Variants in ANKRD55 observed in about 807,000 individuals in gnomAD.
The protein encoded by ANKRD55 is ankyrin repeat domain 55.
In ANKRD55, 41 loss-of-function variants were observed where a neutral mutation model predicts 60.6. The ratio of observed to expected loss-of-function variants is 0.68; its 90% CI spans 0.53 to 0.88. ANKRD55 has a LOEUF of 0.88. Ranked by LOEUF, ANKRD55 falls within the 40% of genes least tolerant of loss-of-function variation. The pLI is 0.00. For missense variants in ANKRD55, 732 were observed against 767.6 expected (o/e 0.95, Z 0.55); for synonymous variants, 264 against 290.3 (o/e 0.91, Z 0.92).
At chr5:56,159,925 A>G in intron 5 of ANKRD55, 32 bp from the exon 6 acceptor site, 1 of 1,597,974 alleles carries the variant, frequency 6.3e-7, no homozygotes, top group Non-Finnish European at 8.6e-7. Context: ...AATGGCTCAA[A>G]ATAACAGGCA....
chr5:56,199,741 A>G (rs1759318569), intron 2 of ANKRD55, among the ~76,000 whole-genome samples: 2 of 151,716 alleles, frequency 1.3e-5, no homozygotes, highest in African/African-American at 4.9e-5. Context: ...GTACAAAAAA[A>G]TTAGCTGGGC....
At chr5:56,105,419 A>G (rs1580933691) in intron 10 of ANKRD55, among the ~76,000 whole-genome samples, 1 of 152,192 alleles carries the variant, frequency 6.6e-6, no homozygotes, top group East Asian at 1.9e-4. Flanking sequence ...AGTCCTAAGA[A>G]AGAGCCATAT....
chr5:56,116,858 C>G, intron 8 of ANKRD55, 76 bp from the exon 9 acceptor site: 1 of 1,411,446 alleles, frequency 7.1e-7, no homozygotes, highest in Admixed American at 2.9e-5. Context: ...GCAACAGCTC[C>G]TGCTCAAAGT....
chr5:56,132,449 G>A (rs963066874), intron 7 of ANKRD55, among the ~76,000 whole-genome samples: 1 of 142,712 alleles, frequency 7.0e-6, no homozygotes, highest in African/African-American at 3.0e-5. Flanking sequence ...AAATTAGCTG[G>A]GTGTGGTGGC....
intron 2 of ANKRD55, among the ~76,000 whole-genome samples, chr5:56,191,038 C>A (rs192086012): frequency 6.6e-6 from 1 of 152,290 alleles, no homozygotes; most frequent in Admixed American, 6.5e-5. Context: ...GGGATTATTT[C>A]TGGACTTTCA....
chr5:56,173,541 CCTCTCTCTCTCT>C lies in ANKRD55; in HGVS notation c.312+2599_312+2610del, dbSNP rs71578616. On this transcript the variant is annotated intron_variant, in intron 4 of 11. Transcript: ENST00000341048. Reference sequence around the variant, plus strand: ...ATAATACGTTAAATGTAGAGATTCGCCTCTCTCTCTCTCTCTCTCTCTCTCTCTCTCTCTCTC... The same window carrying C: ...ATAATACGTTAAATGTAGAGATTCGCCTCTCTCTCTCTCTCTCTCTCTCTC... 3.5e-3 allele frequency among the ~76,000 whole-genome samples: 217 copies of C among 61,506 alleles called. 2 individuals are homozygous for C. The highest frequency in any genetic ancestry group is 0.01 in the African/African-American group (174 of 16,590). The allele number at this position is 61,506 out of a possible 152,430, so 40.4% of individuals were successfully genotyped here. A position where few individuals can be genotyped will look rare whatever the true frequency, so the allele number is the denominator to read the frequency against.
In ANKRD55 at chr5:56,133,609, C is replaced by T. The variant is rs1473670849; in HGVS notation, c.613-6503G>A. Among the ~76,000 whole-genome samples, 4 of 110,170 alleles carry T rather than the reference C, an allele frequency of 3.6e-5. 1 individual carries two copies. Among genetic ancestry groups the T allele is most frequent in the Admixed American group, 3.6e-4 (4 of 11,064 alleles). The allele number at this position is 110,170 out of a possible 152,430, so 72.3% of individuals were successfully genotyped here. A position where few individuals can be genotyped will look rare whatever the true frequency, so the allele number is the denominator to read the frequency against. ...CAAAAGTGAAAGAATAGAAATCATA[C>T]AATGCAGGCTTTCAGACCATGGTAG... is the stretch of plus-strand genomic sequence containing the variant. On this transcript the variant is annotated intron_variant, in intron 7 of 11. Coordinates refer to ENST00000341048, the MANE Select transcript of ANKRD55 (RefSeq NM_024669.3).
chr5:56,107,010 T>TAA (rs371808077), intron 10 of ANKRD55, among the ~76,000 whole-genome samples: 14,253 of 114,254 alleles, frequency 0.12, 1,093 homozygotes, highest in East Asian at 0.28. Context: ...TATCTCTCTC[T>TAA]AAAAAAAAAA....
At chr5:56,181,195 C>A (rs1758842796) in intron 3 of ANKRD55, among the ~76,000 whole-genome samples, 1 of 152,122 alleles carries the variant, frequency 6.6e-6, no homozygotes, top group Non-Finnish European at 1.5e-5. Context: ...AAGATGTATG[C>A]TTTTTATTTC....
In ANKRD55 at chr5:56,208,034, T is replaced by C. The variant is rs115198399; in HGVS notation, c.59-24400A>G. On this transcript the variant is annotated intron_variant, in intron 2 of 11. Transcript: ENST00000341048. ...TTATATCCTTATCCTTTAAGTTTTT[T>C]TCTATTTTTAAAATGATTTATTTAT... Among the ~76,000 whole-genome samples the C allele has an allele frequency of 4.9e-3, 749 of 152,350 alleles. 3 individuals carry two copies. Among genetic ancestry groups the C allele is most frequent in the African/African-American group, 0.018 (728 of 41,590 alleles).
chr5:56,173,032 C>T (rs1019845457), intron 4 of ANKRD55, among the ~76,000 whole-genome samples: 2 of 152,214 alleles, frequency 1.3e-5, no homozygotes, highest in African/African-American at 4.8e-5. Flanking sequence ...CATGGTCACT[C>T]ACCAGTCAGA....
chr5:56,186,732 G>A (rs1314150183), intron 2 of ANKRD55, among the ~76,000 whole-genome samples: 1 of 152,156 alleles, frequency 6.6e-6, no homozygotes, highest in African/African-American at 2.4e-5. Flanking sequence ...ACATTGCACA[G>A]AACATTAGTC....
At chr5:56,203,855 A>G (rs1759437814) in intron 2 of ANKRD55, among the ~76,000 whole-genome samples, 1 of 152,286 alleles carries the variant, frequency 6.6e-6, no homozygotes, top group South Asian at 2.1e-4. Flanking sequence ...ATACCCAGTA[A>G]TGGGATGGCT....
At chr5:56,142,400 G>A (rs1447776326) in intron 7 of ANKRD55, among the ~76,000 whole-genome samples, 1 of 152,144 alleles carries the variant, frequency 6.6e-6, no homozygotes, top group Non-Finnish European at 1.5e-5. Flanking sequence ...AGGGCCCAGC[G>A]GGGGTCTGGG....
intron 6 of ANKRD55, among the ~76,000 whole-genome samples, chr5:56,155,057 C>T (rs1005611450): frequency 1.3e-5 from 2 of 151,864 alleles, no homozygotes; most frequent in African/African-American, 4.8e-5. Flanking sequence ...CATAGGAAGA[C>T]CCCTGTCTCT....
At chr5:56,231,097 A>C (rs537243458) in intron 2 of ANKRD55, among the ~76,000 whole-genome samples, 74 of 152,358 alleles carry the variant, frequency 4.9e-4, no homozygotes, top group African/African-American at 1.5e-3. Flanking sequence ...ACAGCTAAGA[A>C]GTAGATGATC....
intron 2 of ANKRD55, 134 bp downstream of exon 2, chr5:56,232,722 A>G: frequency 1.3e-6 from 1 of 783,194 alleles, no homozygotes; most frequent in Non-Finnish European, 2.1e-6. Flanking sequence ...CATAGCAAAT[A>G]CTCATGCACA....
intron 2 of ANKRD55, among the ~76,000 whole-genome samples, chr5:56,232,280 GA>G (rs1037888824): frequency 5.1e-4 from 78 of 152,240 alleles, no homozygotes; most frequent in African/African-American, 1.7e-3. Flanking sequence ...TATAAGTAAG[GA>G]AGATATACCC....
At chr5:56,140,850 T>G (rs151192293) in intron 7 of ANKRD55, among the ~76,000 whole-genome samples, 2,869 of 152,090 alleles carry the variant, frequency 0.019, 48 homozygotes, top group Admixed American at 0.043. Flanking sequence ...ATCAGCTGAG[T>G]TCAGGAGTTC....
Sources: allele counts gnomAD v4.1 joint callset (sites outside exome capture counted in the v4.1 genomes callset), GRCh38; gene constraint gnomAD v4.1.1; transcripts MANE v1.5; gene names NCBI Gene and HGNC (gene_info 2026-07-23, HGNC 2026-07-21).